The following SMYD3 variants were observed in gnomAD, a reference collection of about 807,000 sequenced individuals.
The protein encoded by SMYD3 is SET and MYND domain containing 3.
Under a neutral mutation model 57.7 loss-of-function variants are expected in SMYD3, and 36 were observed. That is an observed-to-expected ratio of 0.62 (90% CI 0.48 to 0.82). The LOEUF (loss-of-function observed/expected upper bound fraction) is 0.82, where lower values mean the gene tolerates loss of function less well. SMYD3 is among the 40% of genes least tolerant of loss of function. The probability of loss-of-function intolerance (pLI) is 0.00; values close to 1 mark genes in which losing one functional copy is unlikely to be tolerated. For missense variants in SMYD3, 515 were observed against 538.8 expected (o/e 0.96, Z 0.44); for synonymous variants, 211 against 195.0 (o/e 1.08, Z -0.68).
At chr1:246,043,313 T>G (rs2059909685) in intron 5 of SMYD3, among the ~76,000 whole-genome samples, 1 of 152,258 alleles carries the variant, frequency 6.6e-6, no homozygotes, top group Non-Finnish European at 1.5e-5. Flanking sequence ...CAGTACTATG[T>G]AAAGCAGTAG....
chr1:246,445,995 G>A (rs914069264), intron 1 of SMYD3, among the ~76,000 whole-genome samples: 11 of 152,140 alleles, frequency 7.2e-5, no homozygotes, highest in African/African-American at 2.4e-4. Context: ...CCAAGTTCAT[G>A]CAAAATCACA....
intron 5 of SMYD3, among the ~76,000 whole-genome samples, chr1:246,232,977 C>G (rs2063440316): frequency 7.5e-6 from 1 of 133,700 alleles, no homozygotes; most frequent in Admixed American, 7.9e-5. Context: ...CTGTGATGAA[C>G]ATATACCACG....
At chr1:245,889,871 G>A (rs2053286201) in intron 8 of SMYD3, among the ~76,000 whole-genome samples, 2 of 152,064 alleles carry the variant, frequency 1.3e-5, no homozygotes, top group African/African-American at 4.8e-5. Flanking sequence ...AAACAGCATG[G>A]TACTGGCATA....
At chr1:246,191,039 C>A (rs1243974696) in intron 5 of SMYD3, among the ~76,000 whole-genome samples, 1 of 152,194 alleles carries the variant, frequency 6.6e-6, no homozygotes, top group Non-Finnish European at 1.5e-5. Flanking sequence ...ATACTGAATA[C>A]CCTAAGGTAG....
chr1:246,415,456 T>C (rs2067048155), intron 1 of SMYD3, among the ~76,000 whole-genome samples: 1 of 152,228 alleles, frequency 6.6e-6, no homozygotes, highest in South Asian at 2.1e-4. Flanking sequence ...AATCCCATTA[T>C]TAGTCCATGT....
At chr1:245,789,111 C>T (rs1243404104) in intron 10 of SMYD3, among the ~76,000 whole-genome samples, 5 of 152,202 alleles carry the variant, frequency 3.3e-5, no homozygotes, top group South Asian at 2.1e-4. Flanking sequence ...CGGATGCTTG[C>T]GGATGACTCC....
intron 8 of SMYD3, among the ~76,000 whole-genome samples, chr1:245,903,139 C>G (rs1054119990): frequency 1.3e-5 from 2 of 151,864 alleles, no homozygotes; most frequent in African/African-American, 4.8e-5. Context: ...AAAGAGATAT[C>G]GTAAAAAGAA....
chr1:246,327,139 C>CTTTATTTTGT (rs2065367625), intron 5 of SMYD3, 62 bp downstream of exon 5: 1 of 1,602,434 alleles, frequency 6.2e-7, no homozygotes, highest in Non-Finnish European at 8.5e-7. Context: ...TTGTAACTAA[C>CTTTATTTTGT]AACAAAATAA....
At position 246,492,685 on chromosome 1, in the gene SMYD3, A is replaced by G. The variant is rs74155522; in HGVS notation, c.164+14369T>C. Among the ~76,000 whole-genome samples the G allele has an allele frequency of 2.2e-3, 331 of 152,320 alleles. 3 individuals are homozygous for G. The highest frequency in any genetic ancestry group is 7.6e-3 in the African/African-American group (317 of 41,560). ...CAAAATCTTCAGCTAGGAGACTTTC[A>G]ATCTATGATCCTCTGAGGATGCCTG... On this transcript the variant is annotated intron_variant, in intron 1 of 11. Transcript: ENST00000490107.
chr1:245,809,883 T>C (rs759619431), intron 10 of SMYD3, among the ~76,000 whole-genome samples: 16 of 152,208 alleles, frequency 1.1e-4, no homozygotes, highest in Non-Finnish European at 2.1e-4. Context: ...CTGTACTGAG[T>C]CTTCATCATA....
chr1:246,358,667 A>G (rs1386911534), intron 1 of SMYD3, among the ~76,000 whole-genome samples: 1 of 152,222 alleles, frequency 6.6e-6, no homozygotes, highest in Non-Finnish European at 1.5e-5. Context: ...AGGAACCCTC[A>G]AAACCATGCA....
At chr1:246,093,795 G>A (rs989162325) in intron 5 of SMYD3, among the ~76,000 whole-genome samples, 2 of 151,690 alleles carry the variant, frequency 1.3e-5, no homozygotes, top group Non-Finnish European at 2.9e-5. Flanking sequence ...TCTATTAGCA[G>A]AAGATAAAAT....
intron 5 of SMYD3, among the ~76,000 whole-genome samples, chr1:245,991,667 C>G (rs993886116): frequency 6.6e-6 from 1 of 152,244 alleles, no homozygotes; most frequent in African/African-American, 2.4e-5. Flanking sequence ...AGAGCTGCTA[C>G]AAGAAGGCAG....
chr1:246,324,551 G>A (rs956271584), intron 5 of SMYD3, among the ~76,000 whole-genome samples: 5 of 151,818 alleles, frequency 3.3e-5, no homozygotes, highest in Non-Finnish European at 7.4e-5. Flanking sequence ...ATTGAGGCCA[G>A]GTATAGCCAG....
chr1:246,070,662 G>C (rs557142126), intron 5 of SMYD3, among the ~76,000 whole-genome samples: 1 of 152,262 alleles, frequency 6.6e-6, no homozygotes, highest in Admixed American at 6.5e-5. Context: ...ACAGAACAAA[G>C]TGAATGGCGA....
intron 5 of SMYD3, among the ~76,000 whole-genome samples, chr1:246,294,376 T>C (rs1046940433): frequency 3.9e-5 from 6 of 152,212 alleles, no homozygotes; most frequent in Admixed American, 3.3e-4. Flanking sequence ...TATCTACAAA[T>C]GGTCAGTCTT....
At chr1:246,189,682 A>C (rs1186322089) in intron 5 of SMYD3, among the ~76,000 whole-genome samples, 4 of 152,192 alleles carry the variant, frequency 2.6e-5, no homozygotes, top group Non-Finnish European at 5.9e-5. Flanking sequence ...TTTTTCTGAA[A>C]GCTATCAGAC....
At chr1:246,107,426 A>G (rs1427370409) in intron 5 of SMYD3, among the ~76,000 whole-genome samples, 2 of 152,094 alleles carry the variant, frequency 1.3e-5, no homozygotes, top group Non-Finnish European at 1.5e-5. Context: ...AAAGCAGACA[A>G]GTTCACAAAG....
intron 5 of SMYD3, among the ~76,000 whole-genome samples, chr1:246,266,504 T>A (rs1473820156): frequency 6.6e-6 from 1 of 152,186 alleles, no homozygotes; most frequent in Non-Finnish European, 1.5e-5. Context: ...TGGTACAGAG[T>A]AGTTACTCAG....
Sources: allele counts gnomAD v4.1 joint callset (sites outside exome capture counted in the v4.1 genomes callset), GRCh38; gene constraint gnomAD v4.1.1; transcripts MANE v1.5; gene names NCBI Gene and HGNC (gene_info 2026-07-23, HGNC 2026-07-21).